Variants in TMEM132B observed in about 807,000 individuals in gnomAD.
TMEM132B encodes the protein transmembrane protein 132B.
In TMEM132B, 18 loss-of-function variants were observed where a neutral mutation model predicts 90.8. That is an observed-to-expected ratio of 0.20 (90% CI 0.14 to 0.29). The LOEUF is 0.29. Among genes scored for constraint, TMEM132B ranks in the 10% least tolerant of loss-of-function variants. TMEM132B has a pLI of 1.00. For missense variants in TMEM132B, 1,096 were observed against 1,326.8 expected (o/e 0.83, Z 2.70); for synonymous variants, 504 against 523.3 (o/e 0.96, Z 0.50).
intron 1 of TMEM132B, among the ~76,000 whole-genome samples, chr12:125,227,191 A>G (rs1295854121): frequency 6.6e-6 from 1 of 152,186 alleles, no homozygotes; most frequent in East Asian, 1.9e-4. Context: ...TCTGTGCCAC[A>G]GCACTGTCCT....
chr12:125,298,731 CT>C (rs1048587358), intron 1 of TMEM132B, among the ~76,000 whole-genome samples: 2 of 142,106 alleles, frequency 1.4e-5, no homozygotes, highest in East Asian at 2.2e-4. Flanking sequence ...TTTCTTTTTT[CT>C]TTTTTTTCTT....
chr12:125,654,359 A>G lies in TMEM132B; in HGVS notation c.2901A>G (p.Thr967=), dbSNP rs1294201272. The change falls in exon 9 of 9, where the codon ACA becomes ACG. Residue 967 remains threonine, a synonymous_variant. Coordinates refer to ENST00000682704, the MANE Select transcript of TMEM132B (RefSeq NM_001366854.1). The surrounding 1 kb of genome is among the most constrained non-coding windows in gnomAD (Gnocchi z 5.8). ...TTTTGGAGAACCCTGTTGACATTAC[A>G]CTCCCATCAGAGGAGTGCACAACCA... ...VELLENPVDI[T]LPSEECTTMI... The G allele has an allele frequency of 6.2e-7, 1 of 1,612,632 alleles. No individual in the cohort carries two copies. The highest frequency in any genetic ancestry group is 1.1e-5 in the South Asian group (1 of 91,002).
At chr12:125,194,271 T>C (rs6488991) in intron 1 of TMEM132B, among the ~76,000 whole-genome samples, 56 of 148,762 alleles carry the variant, frequency 3.8e-4, no homozygotes, top group Non-Finnish European at 2.7e-4. Flanking sequence ...AACCCGTTGG[T>C]GGGGGGGTCT....
At chr12:125,645,914 G>A (rs1325467082) in intron 6 of TMEM132B, among the ~76,000 whole-genome samples, 1 of 152,206 alleles carries the variant, frequency 6.6e-6, no homozygotes, top group East Asian at 1.9e-4. Context: ...AGTGAGTGGA[G>A]GCTGGAAGAT....
chr12:125,555,703 T>TA (rs1884364878), intron 4 of TMEM132B, among the ~76,000 whole-genome samples: 2 of 129,616 alleles, frequency 1.5e-5, no homozygotes, highest in South Asian at 4.9e-4. Context: ...CCCTAGAACT[T>TA]AAAGTATAGT....
Position 125,532,571 on chromosome 12 carries a change from G to A in TMEM132B, c.1293+12946G>A, listed in dbSNP as rs148545881. ...ACTCTGTTGCCCAGGCTGGAGTGCA[G>A]TGGTGCGATCTTGGCTCACCACAAC... On this transcript the variant is annotated intron_variant, in intron 4 of 8. Transcript: ENST00000682704. Among the ~76,000 whole-genome samples the A allele has an allele frequency of 2.6e-3, 396 of 151,572 alleles. 2 individuals carry two copies. The highest frequency in any genetic ancestry group is 9.1e-3 in the African/African-American group (375 of 41,324).
chr12:125,513,215 T>G (rs775822120), intron 3 of TMEM132B, among the ~76,000 whole-genome samples: 108 of 146,540 alleles, frequency 7.4e-4, no homozygotes, highest in Non-Finnish European at 1.3e-3. Flanking sequence ...ACACTCTTCA[T>G]TCATTCATTC....
chr12:125,370,236 T>A (rs2136269139), intron 2 of TMEM132B, among the ~76,000 whole-genome samples: 1 of 152,140 alleles, frequency 6.6e-6, no homozygotes, highest in East Asian at 1.9e-4. Flanking sequence ...TGTCCACAGG[T>A]AGGTATTGGT....
chr12:125,320,023 A>T (rs922870660), intron 1 of TMEM132B, among the ~76,000 whole-genome samples: 1 of 152,016 alleles, frequency 6.6e-6, no homozygotes, highest in Non-Finnish European at 1.5e-5. Context: ...CCTAAAAAAA[A>T]AAAAGGGAGC....
At chr12:125,266,308 A>G (rs1874694197) in intron 1 of TMEM132B, among the ~76,000 whole-genome samples, 2 of 152,212 alleles carry the variant, frequency 1.3e-5, no homozygotes, top group African/African-American at 4.8e-5. Context: ...ACAACCTTAA[A>G]TATTTACTCT....
At chr12:125,352,513 C>T (rs1231832566) in intron 2 of TMEM132B, among the ~76,000 whole-genome samples, 4 of 152,194 alleles carry the variant, frequency 2.6e-5, no homozygotes, top group Non-Finnish European at 5.9e-5. Flanking sequence ...CGTCTCTGGA[C>T]CTTAGTTTCC....
rs752611375 is a variant in TMEM132B, at chr12:125,654,231, G to A, written c.2773G>A (p.Val925Met). ...LAILVFLINCVAFAWKYRHKR... is the reference protein window; with the variant it reads ...LAILVFLINCMAFAWKYRHKR... ...CATTCTGGTCTTCTTGATCAACTGC[G>A]TGGCGTTTGCCTGGAAATACAGACA... Residue 925 changes from valine (V) to methionine (M), a missense_variant, in exon 9 of 9, where the codon GTG becomes ATG. Transcript: ENST00000682704. This position sits in a 1 kb window ranked among gnomAD's most constrained non-coding sequence, Gnocchi z 5.8. The A allele has an allele frequency of 6.8e-6, 11 of 1,614,168 alleles. No homozygotes were observed. Among genetic ancestry groups the A allele is most frequent in the Middle Eastern group, 1.7e-4 (1 of 6,054 alleles).
chr12:125,643,547 GCAAAAATAATTATAT>G (rs1886682812), intron 5 of TMEM132B, among the ~76,000 whole-genome samples: 1 of 152,140 alleles, frequency 6.6e-6, no homozygotes, highest in Admixed American at 6.6e-5. Flanking sequence ...GCTGAATGGG[GCAAAAATAATTATAT>G]CCATGTTTCT....
intron 1 of TMEM132B, among the ~76,000 whole-genome samples, chr12:125,320,639 A>C (rs1463625840): frequency 1.3e-5 from 2 of 152,120 alleles, no homozygotes. Context: ...ACGGCTCCAC[A>C]AGGGGGAAGC....
chr12:125,310,946 G>A, intron 1 of TMEM132B, among the ~76,000 whole-genome samples: 1 of 152,208 alleles, frequency 6.6e-6, no homozygotes, highest in East Asian at 1.9e-4. Flanking sequence ...GAGTACTGGT[G>A]TCCGAGGCTG....
chr12:125,608,608 A>G (rs1250406943), intron 5 of TMEM132B, among the ~76,000 whole-genome samples: 1 of 152,210 alleles, frequency 6.6e-6, no homozygotes, highest in African/African-American at 2.4e-5. Context: ...CTTTTTATTC[A>G]ATTGTACTTT....
chr12:125,547,169 A>G (rs1214345556), intron 4 of TMEM132B, among the ~76,000 whole-genome samples: 1 of 152,218 alleles, frequency 6.6e-6, no homozygotes, highest in Admixed American at 6.5e-5. Flanking sequence ...CAGCCAAACC[A>G]TATCAGGTAC....
intron 3 of TMEM132B, among the ~76,000 whole-genome samples, chr12:125,466,448 T>C (rs1881564276): frequency 1.3e-5 from 2 of 152,190 alleles, no homozygotes; most frequent in South Asian, 4.1e-4. Flanking sequence ...AAAGCACTAA[T>C]TGAAGGCTTG....
At chr12:125,412,152 C>G (rs1336122583) in intron 2 of TMEM132B, among the ~76,000 whole-genome samples, 1 of 152,122 alleles carries the variant, frequency 6.6e-6, no homozygotes, top group Non-Finnish European at 1.5e-5. Flanking sequence ...GGCTAGAAGC[C>G]CCAGTGGAAG....
Sources: gnomAD v4.1 joint callset for allele counts (sites outside exome capture counted in the v4.1 genomes callset) on GRCh38, gnomAD v4.1.1 for gene constraint, Gnocchi (gnomAD v3.1) non-coding constraint, MANE v1.5 for transcripts, NCBI Gene and HGNC (gene_info 2026-07-23, HGNC 2026-07-21) for gene names.